Variants in ADGRB3 observed in about 807,000 individuals in gnomAD.
ADGRB3 encodes adhesion G protein-coupled receptor B3.
ADGRB3 carries 37 observed loss-of-function variants against 193.4 expected under a neutral mutation model. The observed-to-expected ratio is 0.19, with a 90% CI of 0.15 to 0.25. ADGRB3 has a LOEUF of 0.25. Ranked by LOEUF, ADGRB3 falls within the 10% of genes least tolerant of loss-of-function variation. The pLI, the probability that ADGRB3 is intolerant of heterozygous loss-of-function variation, is 1.00. For missense variants in ADGRB3, 1,637 were observed against 1,852.9 expected (o/e 0.88, Z 2.14); for synonymous variants, 690 against 644.2 (o/e 1.07, Z -1.08).
intron 3 of ADGRB3, among the ~76,000 whole-genome samples, chr6:68,679,464 T>C (rs992921551): frequency 2.0e-5 from 3 of 152,100 alleles, no homozygotes; most frequent in Non-Finnish European, 4.4e-5. Context: ...CACAATTTCA[T>C]TGGCAAAAGT....
At chr6:68,653,676 C>T (rs1398861432) in intron 3 of ADGRB3, among the ~76,000 whole-genome samples, 1 of 151,952 alleles carries the variant, frequency 6.6e-6, no homozygotes, top group Non-Finnish European at 1.5e-5. Flanking sequence ...TCGAGTTTTT[C>T]TTTATTTTAA....
chr6:69,043,296 GAAAGAA>G (rs1469063081), intron 13 of ADGRB3, among the ~76,000 whole-genome samples: 5 of 115,710 alleles, frequency 4.3e-5, no homozygotes, highest in African/African-American at 1.6e-4. Flanking sequence ...AAGAGAGAAA[GAAAGAA>G]AGAAAGAAAG....
chr6:69,154,555 A>G (rs1396416814), intron 17 of ADGRB3, among the ~76,000 whole-genome samples: 1 of 152,196 alleles, frequency 6.6e-6, no homozygotes, highest in African/African-American at 2.4e-5. Flanking sequence ...AATTTTGTTC[A>G]TATACTTCCT....
chr6:69,181,755 T>C (rs979897975), intron 17 of ADGRB3, among the ~76,000 whole-genome samples: 16 of 152,258 alleles, frequency 1.1e-4, no homozygotes, highest in Non-Finnish European at 2.2e-4. Context: ...TATGTAGCCA[T>C]AAATATATTC....
intron 13 of ADGRB3, among the ~76,000 whole-genome samples, chr6:69,033,407 C>T (rs1399815506): frequency 2.0e-5 from 3 of 152,134 alleles, no homozygotes; most frequent in Non-Finnish European, 4.4e-5. Flanking sequence ...CGCCAATTAT[C>T]TCTATAAATG....
intron 10 of ADGRB3, among the ~76,000 whole-genome samples, chr6:68,985,503 T>C (rs1332661919): frequency 1.3e-5 from 2 of 152,160 alleles, no homozygotes; most frequent in African/African-American, 4.8e-5. Flanking sequence ...TATGGGAGGA[T>C]TGTACTTCCT....
chr6:69,005,216 C>T (rs186670667), intron 11 of ADGRB3, among the ~76,000 whole-genome samples: 228 of 151,640 alleles, frequency 1.5e-3, no homozygotes, highest in African/African-American at 5.3e-3. Context: ...GGACTGTAGG[C>T]AATACTGAGC....
chr6:69,336,860 A>G (rs1194984952), intron 24 of ADGRB3, among the ~76,000 whole-genome samples: 1 of 152,146 alleles, frequency 6.6e-6, no homozygotes, highest in Non-Finnish European at 1.5e-5. Context: ...CACATAAACT[A>G]GGAAAAAACA....
At chr6:68,825,995 T>A (rs1462152959) in intron 3 of ADGRB3, among the ~76,000 whole-genome samples, 1 of 152,146 alleles carries the variant, frequency 6.6e-6, no homozygotes, top group Non-Finnish European at 1.5e-5. Flanking sequence ...TCCCCATTTT[T>A]TTTTTTTGTA....
chr6:68,821,494 G>T (rs1767746900), intron 3 of ADGRB3, among the ~76,000 whole-genome samples: 1 of 151,808 alleles, frequency 6.6e-6, no homozygotes, highest in Non-Finnish European at 1.5e-5. Context: ...GTCAAAAGTT[G>T]TCTCTAATTG....
chr6:69,036,163 G>A (rs999155440), intron 13 of ADGRB3, among the ~76,000 whole-genome samples: 9 of 151,976 alleles, frequency 5.9e-5, no homozygotes, highest in African/African-American at 1.9e-4. Flanking sequence ...TCTCAATTTC[G>A]GATCTTCCAC....
At chr6:69,114,885 C>T (rs1269831777) in intron 17 of ADGRB3, among the ~76,000 whole-genome samples, 3 of 152,120 alleles carry the variant, frequency 2.0e-5, no homozygotes, top group Non-Finnish European at 4.4e-5. Context: ...CAAATCAAAA[C>T]CACAATGAGA....
intron 17 of ADGRB3, among the ~76,000 whole-genome samples, chr6:69,102,574 G>A (rs1431042661): frequency 6.6e-6 from 1 of 152,202 alleles, no homozygotes; most frequent in Non-Finnish European, 1.5e-5. Flanking sequence ...TGAGCTAACG[G>A]GGAGCAGAGG....
chr6:68,988,242 A>C (rs1769135085), intron 10 of ADGRB3, among the ~76,000 whole-genome samples: 1 of 152,186 alleles, frequency 6.6e-6, no homozygotes, highest in African/African-American at 2.4e-5. Flanking sequence ...ATAGTAATAT[A>C]AGATACAGCA....
At position 68,822,834 on chromosome 6, in the gene ADGRB3, G is replaced by A. The variant is rs1486579498; in HGVS notation, c.758-107725G>A. On this transcript the variant is annotated intron_variant, in intron 3 of 31. Transcript: ENST00000370598. ...TGATTCTCTAGTCATGAATGTTAGT[G>A]GCAATTTCCAAAGGCTTTGCTGCAA... 2.0e-5 allele frequency among the ~76,000 whole-genome samples: 3 copies of A among 151,922 alleles called. No homozygotes were observed. The East Asian group carries it at 5.8e-4, about 29-fold the overall frequency.
chr6:68,721,622 TAATA>T (rs979069754), intron 3 of ADGRB3, among the ~76,000 whole-genome samples: 3 of 72,980 alleles, frequency 4.1e-5, no homozygotes, highest in African/African-American at 1.8e-4. Context: ...ACTTAAAGTA[TAATA>T]AATATATATA....
At chr6:68,892,106 A>G (rs1437898574) in intron 3 of ADGRB3, among the ~76,000 whole-genome samples, 1 of 152,250 alleles carries the variant, frequency 6.6e-6, no homozygotes, top group Non-Finnish European at 1.5e-5. Context: ...TAGTGGCTAC[A>G]GAATTGATAA....
chr6:68,876,783 A>G (rs764706675), intron 3 of ADGRB3, among the ~76,000 whole-genome samples: 10 of 152,142 alleles, frequency 6.6e-5, no homozygotes, highest in Non-Finnish European at 1.3e-4. Context: ...AGAACTGGGT[A>G]TTTATCTTCT....
At chr6:69,121,971 G>A (rs558996093) in intron 17 of ADGRB3, among the ~76,000 whole-genome samples, 11 of 150,766 alleles carry the variant, frequency 7.3e-5, no homozygotes, top group African/African-American at 1.5e-4. Flanking sequence ...CATCCCAGAC[G>A]ATGGGCGGCC....
Sources: allele counts gnomAD v4.1 joint callset (sites outside exome capture counted in the v4.1 genomes callset), GRCh38; gene constraint gnomAD v4.1.1; transcripts MANE v1.5; gene names NCBI Gene and HGNC (gene_info 2026-07-23, HGNC 2026-07-21).